The following KIF6 variants were observed in gnomAD, a reference collection of about 807,000 sequenced individuals.
KIF6 encodes kinesin-like protein KIF6.
Under a neutral mutation model 112.7 loss-of-function variants are expected in KIF6, and 106 were observed. That is an observed-to-expected ratio of 0.94 (90% CI 0.80 to 1.11). The LOEUF is 1.11. Ranked by LOEUF, KIF6 falls within the 50% of genes least tolerant of loss-of-function variation. KIF6 has a pLI of 0.00. For synonymous variants in KIF6, 339 were observed against 339.9 expected, an observed-to-expected ratio of 1.00 and a Z score of 0.03; for missense variants, 929 against 964.0, an observed-to-expected ratio of 0.96 and a Z score of 0.48.
At chr6:39,639,539 A>G in intron 4 of KIF6, 71 bp downstream of exon 4, 1 of 1,227,942 alleles carries the variant, frequency 8.1e-7, no homozygotes, top group Non-Finnish European at 1.1e-6. Context: ...TGTCATAATA[A>G]ATTTCCTGCT....
intron 3 of KIF6, among the ~76,000 whole-genome samples, chr6:39,659,912 A>C (rs1172193288): frequency 6.6e-6 from 1 of 152,244 alleles, no homozygotes; most frequent in Non-Finnish European, 1.5e-5. Flanking sequence ...TGATTTACTT[A>C]GCCTCAAAGA....
chr6:39,352,234 G>A (rs1465270178), intron 19 of KIF6, among the ~76,000 whole-genome samples: 2 of 152,192 alleles, frequency 1.3e-5, no homozygotes, highest in Non-Finnish European at 2.9e-5. Flanking sequence ...TTGTATTAGT[G>A]TGATAAATTT....
chr6:39,369,393 C>A (rs735792), intron 16 of KIF6, among the ~76,000 whole-genome samples: 2 of 152,174 alleles, frequency 1.3e-5, no homozygotes, highest in Non-Finnish European at 2.9e-5. Context: ...ACAGACCCTG[C>A]GCTCACTGCC....
At position 39,685,158 on chromosome 6, in the gene KIF6, A is replaced by C. The variant is rs140246050; in HGVS notation, c.251+29534T>G. Among the ~76,000 whole-genome samples the C allele has an allele frequency of 2.0e-5, 3 of 152,368 alleles. No homozygotes were observed. The East Asian group carries it at 5.8e-4, about 29-fold the overall frequency. On this transcript the variant is annotated intron_variant, in intron 3 of 22. Transcript: ENST00000287152. The stretch of plus-strand genomic sequence containing the variant: ...GTTTTATTTTAAGAGAGCAGATACT[A>C]CAATGAACTGATGAGAATGATCTCA...
chr6:39,576,399 C>T (rs1421694507), intron 10 of KIF6, among the ~76,000 whole-genome samples: 1 of 152,206 alleles, frequency 6.6e-6, no homozygotes, highest in African/African-American at 2.4e-5. Flanking sequence ...GCTGGGATTA[C>T]AGATGTGAAC....
intron 15 of KIF6, among the ~76,000 whole-genome samples, chr6:39,417,123 C>T (rs1384863115): frequency 2.0e-5 from 3 of 152,180 alleles, no homozygotes; most frequent in Non-Finnish European, 4.4e-5. Flanking sequence ...AACTTGTGTC[C>T]TTCAAGGTTG....
intron 13 of KIF6, among the ~76,000 whole-genome samples, chr6:39,475,843 T>C (rs572613817): frequency 1.9e-3 from 289 of 152,264 alleles, no homozygotes; most frequent in African/African-American, 6.5e-3. Context: ...GTTAGAAAAG[T>C]CACACCATGG....
chr6:39,429,077 T>A (rs1198042290), intron 14 of KIF6, among the ~76,000 whole-genome samples: 1 of 152,220 alleles, frequency 6.6e-6, no homozygotes. Flanking sequence ...CTGCCGTCCA[T>A]ATACAGAGCC....
intron 5 of KIF6, among the ~76,000 whole-genome samples, chr6:39,625,728 C>T (rs781645858): frequency 1.3e-5 from 2 of 152,098 alleles, no homozygotes; most frequent in African/African-American, 4.8e-5. Flanking sequence ...TCTAAAAGCA[C>T]TAAGTAAAAA....
chr6:39,456,624 C>A (rs1262540141), intron 13 of KIF6, among the ~76,000 whole-genome samples: 1 of 122,386 alleles, frequency 8.2e-6, no homozygotes, highest in African/African-American at 3.6e-5. Context: ...TTCAGGAAAC[C>A]CATCTCACGT....
At chr6:39,600,587 T>C (rs1208834962) in intron 6 of KIF6, among the ~76,000 whole-genome samples, 2 of 152,196 alleles carry the variant, frequency 1.3e-5, no homozygotes, top group Admixed American at 6.6e-5. Flanking sequence ...CGCCACCCTC[T>C]GCCCACCACC....
intron 13 of KIF6, among the ~76,000 whole-genome samples, chr6:39,514,207 T>G (rs1434022679): frequency 6.6e-6 from 1 of 152,236 alleles, no homozygotes; most frequent in African/African-American, 2.4e-5. Context: ...GATCGGATCT[T>G]CCCCTGACAG....
intron 3 of KIF6, among the ~76,000 whole-genome samples, chr6:39,710,857 C>G (rs1189762059): frequency 6.6e-6 from 1 of 151,718 alleles, no homozygotes; most frequent in African/African-American, 2.4e-5. Context: ...GACCCCATCT[C>G]TATAAAAAAT....
chr6:39,492,618 T>A (rs997542978), intron 13 of KIF6, among the ~76,000 whole-genome samples: 1 of 152,340 alleles, frequency 6.6e-6, no homozygotes, highest in Non-Finnish European at 1.5e-5. Context: ...ATTTTGTAAT[T>A]GCTGTGTCTC....
intron 13 of KIF6, among the ~76,000 whole-genome samples, chr6:39,520,780 G>A (rs944551953): frequency 5.3e-5 from 8 of 152,176 alleles, no homozygotes; most frequent in African/African-American, 1.9e-4. Context: ...ACGGCTTCTT[G>A]CTTCCAAGGT....
Position 39,330,030 on chromosome 6 carries a change from A to T in KIF6, c.*6502T>A, listed in dbSNP as rs1762684896. 6.6e-6 allele frequency: 1 copy of T among 152,208 alleles called. No homozygotes were observed. Among genetic ancestry groups the T allele is most frequent in the Non-Finnish European group, 1.5e-5 (1 of 68,046 alleles). The allele number at this position is 152,208 out of a possible 1,614,324, so 9.4% of individuals were successfully genotyped here. On this transcript the variant is annotated 3_prime_UTR_variant, in exon 23 of 23. Transcript: ENST00000287152. Reference sequence around the variant, plus strand: ...GTTTATTGTCTAATTGGTTCACATGACGATTCTTTGTCCTATGATGTTAAG... The same window carrying T: ...GTTTATTGTCTAATTGGTTCACATGTCGATTCTTTGTCCTATGATGTTAAG...
chr6:39,598,011 CA>C (rs1425260408), intron 6 of KIF6, among the ~76,000 whole-genome samples: 11 of 151,754 alleles, frequency 7.2e-5, no homozygotes, highest in African/African-American at 2.4e-4. Flanking sequence ...ACTAAAAATA[CA>C]AAACAAAACA....
intron 13 of KIF6, among the ~76,000 whole-genome samples, chr6:39,489,357 G>A (rs1003399297): frequency 6.6e-6 from 1 of 152,124 alleles, no homozygotes; most frequent in South Asian, 2.1e-4. Flanking sequence ...ATCAGAGCTG[G>A]TCATCGCAAT....
chr6:39,648,116 C>T (rs9471138), intron 3 of KIF6, among the ~76,000 whole-genome samples: 8,164 of 149,214 alleles, frequency 0.055, 727 homozygotes, highest in African/African-American at 0.19. Flanking sequence ...CTCTGCCTCC[C>T]GGGTTCAAGC....
Sources: gnomAD v4.1 joint callset for allele counts (sites outside exome capture counted in the v4.1 genomes callset) on GRCh38, gnomAD v4.1.1 for gene constraint, MANE v1.5 for transcripts, NCBI Gene and HGNC (gene_info 2026-07-23, HGNC 2026-07-21) for gene names.